Variants in TBX10 observed in about 807,000 individuals in gnomAD.
The protein encoded by TBX10 is T-box transcription factor 10, also known as T-box transcription factor TBX10.
TBX10 carries 26 observed loss-of-function variants against 32.4 expected under a neutral mutation model. That is an observed-to-expected ratio of 0.80 (90% CI 0.59 to 1.11). The LOEUF is 1.11. Among genes scored for constraint, TBX10 ranks in the 50% most tolerant of loss-of-function variants. The pLI is 0.00. For missense variants in TBX10, 490 were observed against 494.5 expected (o/e 0.99, Z 0.09); for synonymous variants, 195 against 203.1 (o/e 0.96, Z 0.34).
chr11:67,633,176 C>G, intron 4 of TBX10, 73 bp from the exon 5 acceptor site: 1 of 1,556,412 alleles, frequency 6.4e-7, no homozygotes, highest in Non-Finnish European at 8.7e-7. Context: ...GGAGTCCTTC[C>G]CTCCAAGCCG....
chr11:67,634,773 A>T (rs781490937), intron 3 of TBX10, 43 bp downstream of exon 3: 3 of 1,594,250 alleles, frequency 1.9e-6, no homozygotes, highest in Admixed American at 3.3e-5. Flanking sequence ...TCCTGGTCTC[A>T]GCACCTGAGA....
At chr11:67,632,914 C>T in intron 5 of TBX10, 34 bp downstream of exon 5, 1 of 1,614,128 alleles carries the variant, frequency 6.2e-7, no homozygotes, top group Non-Finnish European at 8.5e-7. Flanking sequence ...GTGAAATGGG[C>T]CTGCAGCGGG....
rs373868274 is a variant in TBX10 at position 67,632,588 on chromosome 11, A to G, written c.773+15T>C. 3.7e-6 allele frequency: 6 copies of G among 1,613,748 alleles called. No homozygotes were observed. Among genetic ancestry groups the G allele is most frequent in the Non-Finnish European group, 5.1e-6 (6 of 1,179,884 alleles). ...GGGGTGGGGGTGAGGGGCTAGGGTCAGGGTCAGACAGTACCAGGAGTCCAG... is the reference window on the plus strand; with the variant it reads ...GGGGTGGGGGTGAGGGGCTAGGGTCGGGGTCAGACAGTACCAGGAGTCCAG... On this transcript the variant is annotated intron_variant, in intron 6 of 7. Coordinates refer to ENST00000335385, the MANE Select transcript of TBX10 (RefSeq NM_005995.5).
intron 1 of TBX10, among the ~76,000 whole-genome samples, chr11:67,638,495 G>T (rs1419586457): frequency 6.6e-6 from 1 of 152,152 alleles, no homozygotes; most frequent in African/African-American, 2.4e-5. Context: ...CTGGAGCAGA[G>T]GGGGGTGCTG....
rs754716841 is a variant in TBX10 at position 67,631,611 on chromosome 11, G to T, written c.1152C>A (p.Ser384=). ...TVVCLGPGQD[S]Q ...CCCCCCAGGGCTTCTGGCATCACTG[G>T]GAGTCCTGGCCAGGCCCCAGGCACA... is the stretch of plus-strand genomic sequence containing the variant. Residue 384 remains serine, a synonymous_variant, in exon 8 of 8, where the codon TCC becomes TCA. Coordinates refer to ENST00000335385, the MANE Select transcript of TBX10 (RefSeq NM_005995.5). 4 of 1,596,320 alleles carry T rather than the reference G, an allele frequency of 2.5e-6. No individual in the cohort carries two copies. The highest frequency in any genetic ancestry group is 3.4e-6 in the Non-Finnish European group (4 of 1,175,890).
chr11:67,639,544 G>A lies in TBX10; in HGVS notation c.-72C>T. 1 of 1,605,342 alleles carries A rather than the reference G, an allele frequency of 6.2e-7. No homozygotes were observed. Among genetic ancestry groups the A allele is most frequent in the South Asian group, 1.1e-5 (1 of 90,126 alleles). ...GGGCTGGGAACCTGCCTGCTGGAAG[G>A]GGTGGTCACCACTCGTCCACTCGGC... On this transcript the variant is annotated 5_prime_UTR_variant, in exon 1 of 8. Transcript: ENST00000335385.
Position 67,631,440 on chromosome 11 carries a change from T to A in TBX10, c.*165A>T. The A allele has an allele frequency of 1.2e-6, 1 of 866,520 alleles. No individual in the cohort carries two copies. 53.7% of individuals were successfully genotyped at this position (866,520 alleles called of 1,614,324 possible). ...AGTCCTGGTTCCAAGCTTGCCATGGTCCCAGCCTTGCTGTGACCCTGGGCA... is the reference window on the plus strand; with the variant it reads ...AGTCCTGGTTCCAAGCTTGCCATGGACCCAGCCTTGCTGTGACCCTGGGCA... On this transcript the variant is annotated 3_prime_UTR_variant, in exon 8 of 8. Coordinates refer to ENST00000335385, the MANE Select transcript of TBX10 (RefSeq NM_005995.5).
At position 67,635,089 on chromosome 11, in the gene TBX10, C is replaced by A; in HGVS notation, c.182G>T (p.Arg61Leu). ...CAGCTGAACTGTCACTCTGGACACA[C>A]GTGGGTTCTTGGGGCCCTGCCCAGT... Reference protein sequence around the residue: ...EPTGQGPKNPRVSRVTVQLEM... With the variant: ...EPTGQGPKNPLVSRVTVQLEM... The change falls in exon 2 of 8, where the codon CGT becomes CTT. Residue 61 changes from arginine (R) to leucine (L), a missense_variant. Physicochemically the swap from Arg to Leu is moderately radical, Grantham distance 102. Around this residue, in one of 3 missense-constraint regions of TBX10, gnomAD observed 307 missense variants for 294.9 expected, o/e 1.04. Transcript: ENST00000335385. 6.2e-7 allele frequency: 1 copy of A among 1,613,864 alleles called. No individual in the cohort carries two copies. The highest frequency in any genetic ancestry group is 2.2e-5 in the East Asian group (1 of 44,892).
chr11:67,635,297 C>A, intron 1 of TBX10, 34 bp from the exon 2 acceptor site: 1 of 1,612,112 alleles, frequency 6.2e-7, no homozygotes, highest in South Asian at 1.1e-5. Flanking sequence ...GGGCCCCACG[C>A]ATCACCCAGC....
Position 67,631,355 on chromosome 11 carries a change from C to T in TBX10, c.*250G>A, listed in dbSNP as rs1003420872. 2.8e-5 allele frequency: 16 copies of T among 568,354 alleles called. No homozygotes were observed. The South Asian group carries it at 3.1e-4, about 11-fold the overall frequency. The allele number at this position is 568,354 out of a possible 1,614,324, so 35.2% of individuals were successfully genotyped here. A position where few individuals can be genotyped will look rare whatever the true frequency, so the allele number is the denominator to read the frequency against. On this transcript the variant is annotated 3_prime_UTR_variant, in exon 8 of 8. Coordinates refer to ENST00000335385, the MANE Select transcript of TBX10 (RefSeq NM_005995.5). ...GAAGGGAGAGGTAAGGCAGGGTTTTCGGGAGTTACCCCCAAAGCAAGAGGG... is the reference window on the plus strand; with the variant it reads ...GAAGGGAGAGGTAAGGCAGGGTTTTTGGGAGTTACCCCCAAAGCAAGAGGG...
chr11:67,634,319 G>A lies in TBX10; in HGVS notation c.419C>T (p.Ala140Val). 1.2e-6 allele frequency: 2 copies of A among 1,607,668 alleles called. No individual in the cohort carries two copies. The highest frequency in any genetic ancestry group is 2.2e-5 in the South Asian group (2 of 91,078). The change falls in exon 4 of 8, where the codon GCA becomes GTA. Residue 140 changes from alanine to valine, a missense_variant. Coordinates refer to ENST00000335385, the MANE Select transcript of TBX10 (RefSeq NM_005995.5). ...HSSAWLVAGKADPATPGRVHF... is the reference protein window; with the variant it reads ...HSSAWLVAGKVDPATPGRVHF... The stretch of plus-strand genomic sequence containing the variant: ...CACGCGGCCAGGTGTGGCTGGGTCT[G>A]CCTTGCCCGCCACCAGCCAGGCCGA...
At chr11:67,638,242 A>T (rs1367670089) in intron 1 of TBX10, among the ~76,000 whole-genome samples, 1 of 144,910 alleles carries the variant, frequency 6.9e-6, no homozygotes, top group East Asian at 2.0e-4. Context: ...AATAAATATA[A>T]ATAAATAAAA....
At chr11:67,639,401 T>TCCCCCCC in intron 1 of TBX10, 65 bp downstream of exon 1, 3 of 213,922 alleles carry the variant, frequency 1.4e-5, no homozygotes, top group East Asian at 1.1e-4. Context: ...GTTCCCACCC[T>TCCCCCCC]GCCCACCCAC....
Position 67,633,165 on chromosome 11 carries a change from T to A in TBX10, c.550-62A>T. Reference sequence around the variant, plus strand: ...CGGAGTACAGCGGACTCCCTGAGGCTGGAGTCCTTCCCTCCAAGCCGGGAG... The same window carrying A: ...CGGAGTACAGCGGACTCCCTGAGGCAGGAGTCCTTCCCTCCAAGCCGGGAG... On this transcript the variant is annotated intron_variant, in intron 4 of 7. Transcript: ENST00000335385. 4 of 1,572,300 alleles carry A rather than the reference T, an allele frequency of 2.5e-6. No homozygotes were observed. In the Admixed American group the frequency reaches 6.9e-5, roughly 27 times the overall value.
In TBX10 at chr11:67,631,310, A is replaced by C; in HGVS notation, c.*295T>G. 4.4e-6 allele frequency: 2 copies of C among 458,956 alleles called. No individual in the cohort carries two copies. The highest frequency in any genetic ancestry group is 4.0e-6 in the Non-Finnish European group (1 of 248,352). The allele number at this position is 458,956 out of a possible 1,614,324, so 28.4% of individuals were successfully genotyped here. ...CAGAAGTGCTCTGACCACTCATGCC[A>C]AATAGTTTAATGTTAGGGGGAAGGG... On this transcript the variant is annotated 3_prime_UTR_variant, in exon 8 of 8. Transcript: ENST00000335385.
chr11:67,635,742 G>T (rs557347861), intron 1 of TBX10, among the ~76,000 whole-genome samples: 37 of 152,158 alleles, frequency 2.4e-4, no homozygotes, highest in South Asian at 4.1e-4. Flanking sequence ...CTGCCTCCCG[G>T]TGCTGCTGAA....
At chr11:67,640,740 G>A (rs993043557), upstream of TBX10, among the ~76,000 whole-genome samples, 1 of 152,204 alleles carries the variant, frequency 6.6e-6, no homozygotes, top group African/African-American at 2.4e-5. Flanking sequence ...TGGGGATGCT[G>A]GGTTGGCAGT....
chr11:67,632,922 G>A (rs745596858), intron 5 of TBX10, 26 bp downstream of exon 5: 97 of 1,613,996 alleles, frequency 6.0e-5, no homozygotes, highest in Non-Finnish European at 7.4e-5. Context: ...GGCCTGCAGC[G>A]GGTGCTCCCG....
At chr11:67,640,437 G>A (rs1438131345), upstream of TBX10, among the ~76,000 whole-genome samples, 3 of 152,226 alleles carry the variant, frequency 2.0e-5, no homozygotes, top group Non-Finnish European at 4.4e-5. Context: ...TCCCCATCTG[G>A]ACATGAGTGG....
Sources: allele counts gnomAD v4.1 joint callset (sites outside exome capture counted in the v4.1 genomes callset), GRCh38; gene constraint gnomAD v4.1.1; regional missense constraint gnomAD v4.1.1; transcripts MANE v1.5; gene names NCBI Gene and HGNC (gene_info 2026-07-23, HGNC 2026-07-21).